PODN: variants seen among roughly 807,000 people sequenced by gnomAD.
PODN encodes podocan.
A neutral mutation model predicts 52.7 loss-of-function variants in PODN; 40 were observed. That is an observed-to-expected ratio of 0.76 (90% CI 0.59 to 0.99). The LOEUF is 0.99. Ranked by LOEUF, PODN falls within the 50% of genes least tolerant of loss-of-function variation. The pLI, the probability that PODN is intolerant of heterozygous loss-of-function variation, is 0.00. For missense variants in PODN, 720 were observed against 815.1 expected (o/e 0.88, Z 1.42); for synonymous variants, 396 against 377.9 (o/e 1.05, Z -0.56).
intron 1 of PODN, among the ~76,000 whole-genome samples, chr1:53,062,697 A>G (rs1378055472): frequency 6.6e-6 from 1 of 152,072 alleles, no homozygotes; most frequent in East Asian, 1.9e-4. Context: ...CTGTCATGAG[A>G]GCCTGGGCCC....
intron 4 of PODN, 82 bp downstream of exon 4, chr1:53,074,752 G>A (rs1298142294): frequency 1.4e-6 from 2 of 1,473,662 alleles, no homozygotes; most frequent in Admixed American, 1.7e-5. Context: ...ACTTTCACCA[G>A]GGCCTTTCTG....
chr1:53,076,267 G>A (rs756052), intron 5 of PODN, among the ~76,000 whole-genome samples: 8,875 of 152,300 alleles, frequency 0.058, 879 homozygotes, highest in African/African-American at 0.2. Flanking sequence ...AGCTGCATTG[G>A]GAGGAGCAAC....
At chr1:53,071,388 G>C (rs920773471) in intron 2 of PODN, 147 bp from the exon 3 acceptor site, 1 of 670,646 alleles carries the variant, frequency 1.5e-6, no homozygotes, top group East Asian at 2.8e-5. Context: ...AGCTGGCACC[G>C]GGGGTCTGCT....
intron 1 of PODN, among the ~76,000 whole-genome samples, chr1:53,069,598 G>C (rs1644080860): frequency 6.6e-6 from 1 of 152,252 alleles, no homozygotes; most frequent in African/African-American, 2.4e-5. Flanking sequence ...GCTGCAGAAG[G>C]TTTTGCAGAC....
Position 53,069,834 on chromosome 1 carries a change from C to T in PODN, c.-22C>T, listed in dbSNP as rs775939865. 1.3e-5 allele frequency: 20 copies of T among 1,580,990 alleles called. No individual in the cohort carries two copies. The Admixed American group carries it at 1.8e-4, about 14-fold the overall frequency. ...AGCCCTGGCGCCCAGGCGCATCTGA[C>T]TCGGCACCCCCTGCAGGCACCATGG... On this transcript the variant is annotated 5_prime_UTR_variant, in exon 2 of 11. Transcript: ENST00000312553.
chr1:53,078,811 C>T lies in PODN; in HGVS notation c.1301C>T (p.Ser434Leu), dbSNP rs58357881. ...DAFRKLRLLR[S>L]LDLSGNRLHT... ...TTCCGCAAGCTGCGCCTGCTGCGCT[C>T]GCTGGACCTGTCGGGCAACCGGCTG... The change falls in exon 8 of 11, where the codon TCG (serine) becomes TTG (leucine). Residue 434 changes from serine (S) to leucine (L), a missense_variant. Physicochemically the swap from Ser to Leu is moderately radical, Grantham distance 145. Coordinates refer to ENST00000312553, the MANE Select transcript of PODN (RefSeq NM_153703.5). The T allele has an allele frequency of 8.7e-5, 141 of 1,612,900 alleles. No individual in the cohort carries two copies. The East Asian group carries it at 1.0e-3, about 12-fold the overall frequency.
Position 53,069,873 on chromosome 1 carries a change from G to A in PODN, c.18G>A (p.Val6=). 3 of 1,568,610 alleles carry A rather than the reference G, an allele frequency of 1.9e-6. No individual in the cohort carries two copies. The highest frequency in any genetic ancestry group is 2.6e-6 in the Non-Finnish European group (3 of 1,157,420). Residue 6 remains valine, a synonymous_variant, in exon 2 of 11, where the codon GTG becomes GTA. Coordinates refer to ENST00000312553, the MANE Select transcript of PODN (RefSeq NM_153703.5). MAQSR[V]LLLLLLLPPQ... is the part of the protein sequence containing the mutation. ...CAGGCACCATGGCCCAGAGCCGGGT[G>A]CTGCTGCTCCTGCTGCTGCTGCCGC...
At chr1:53,081,780 C>T (rs1644299117) in intron 9 of PODN, among the ~76,000 whole-genome samples, 1 of 152,232 alleles carries the variant, frequency 6.6e-6, no homozygotes, top group Non-Finnish European at 1.5e-5. Context: ...GAGCCAGCCC[C>T]ACCACAAGCT....
Position 53,069,854 on chromosome 1 carries a change from C to T in PODN, c.-2C>T. The stretch of plus-strand genomic sequence containing the variant: ...TCTGACTCGGCACCCCCTGCAGGCA[C>T]CATGGCCCAGAGCCGGGTGCTGCTG... On this transcript the variant is annotated 5_prime_UTR_variant, in exon 2 of 11. Coordinates refer to ENST00000312553, the MANE Select transcript of PODN (RefSeq NM_153703.5). The T allele has an allele frequency of 6.3e-7, 1 of 1,575,482 alleles. No individual in the cohort carries two copies. The highest frequency in any genetic ancestry group is 8.6e-7 in the Non-Finnish European group (1 of 1,160,996).
In PODN at chr1:53,070,076, G is replaced by T. The variant is rs1474008475; in HGVS notation, c.221G>T (p.Cys74Phe). The T allele has an allele frequency of 6.2e-7, 1 of 1,613,086 alleles. No homozygotes were observed. Among genetic ancestry groups the T allele is most frequent in the South Asian group, 1.1e-5 (1 of 91,084 alleles). ...AAVSCPRDCA[C>F]SQEGVVDCGG... ...GTCAGCTGCCCCCGAGACTGTGCCT[G>T]TTCCCAGGAGGGCGTCGTGGACTGT... Residue 74 changes from cysteine to phenylalanine, a missense_variant, in exon 2 of 11, where the codon TGT (cysteine) becomes TTT (phenylalanine). Transcript: ENST00000312553.
Position 53,074,592 on chromosome 1 carries a change from C to A in PODN, c.407-14C>A, listed in dbSNP as rs371397336. ...CCTCCATCCAGGGCTCTGACCGATG[C>A]CTGTCCTTTGAAGGGCTCCCAGAGA... On this transcript the variant is annotated splice_polypyrimidine_tract_variant and intron_variant, in intron 3 of 10. Coordinates refer to ENST00000312553, the MANE Select transcript of PODN (RefSeq NM_153703.5). The A allele has an allele frequency of 3.1e-6, 5 of 1,613,912 alleles. No individual in the cohort carries two copies. Among genetic ancestry groups the A allele is most frequent in the East Asian group, 2.2e-5 (1 of 44,878 alleles).
rs754036511 is a variant in PODN, at chr1:53,070,094, T to C, written c.239T>C (p.Val80Ala). ...TGTGCCTGTTCCCAGGAGGGCGTCG[T>C]GGACTGTGGCGGTATTGACCTGCGT... ...RDCACSQEGV[V>A]DCGGIDLREF... The change falls in exon 2 of 11, where the codon GTG (valine) becomes GCG (alanine). Residue 80 changes from valine (V) to alanine (A), a missense_variant. Physicochemically the swap from Val to Ala is moderately conservative, Grantham distance 64. Coordinates refer to ENST00000312553, the MANE Select transcript of PODN (RefSeq NM_153703.5). 3.3e-5 allele frequency: 54 copies of C among 1,612,814 alleles called. No individual in the cohort carries two copies. Among genetic ancestry groups the C allele is most frequent in the Admixed American group, 1.0e-4 (6 of 60,002 alleles).
chr1:53,064,577 T>TG (rs898620021), intron 1 of PODN, among the ~76,000 whole-genome samples: 1 of 152,164 alleles, frequency 6.6e-6, no homozygotes, highest in African/African-American at 2.4e-5. Flanking sequence ...CCTCTTGATT[T>TG]GGGGCTCCCT....
chr1:53,081,091 T>C (rs1222795568), intron 9 of PODN, among the ~76,000 whole-genome samples: 6 of 152,216 alleles, frequency 3.9e-5, no homozygotes, highest in African/African-American at 1.2e-4. Context: ...GCATGGGCGT[T>C]GTGAATGTTA....
At chr1:53,069,508 C>T (rs907048738) in intron 1 of PODN, among the ~76,000 whole-genome samples, 10 of 152,228 alleles carry the variant, frequency 6.6e-5, no homozygotes, top group African/African-American at 2.2e-4. Context: ...AAGGGTTCAG[C>T]ACAGTCCAGG....
intron 7 of PODN, 92 bp downstream of exon 7, chr1:53,077,892 G>A (rs959498987): frequency 9.1e-6 from 9 of 985,612 alleles, no homozygotes; most frequent in South Asian, 1.5e-5. Context: ...AGCCCCTCAC[G>A]CACGTCCCCT....
intron 8 of PODN, among the ~76,000 whole-genome samples, chr1:53,079,948 T>G (rs1644257360): frequency 6.8e-6 from 1 of 146,068 alleles, no homozygotes; most frequent in African/African-American, 2.6e-5. Flanking sequence ...TGAGCTATGA[T>G]CACGCTACAG....
chr1:53,063,978 C>T (rs1358074666), intron 1 of PODN, among the ~76,000 whole-genome samples: 1 of 152,162 alleles, frequency 6.6e-6, no homozygotes, highest in Non-Finnish European at 1.5e-5. Context: ...TCACACTCTA[C>T]CTCTGCCTGG....
chr1:53,079,478 G>C (rs1572276285), intron 8 of PODN, among the ~76,000 whole-genome samples: 1 of 152,170 alleles, frequency 6.6e-6, no homozygotes, highest in South Asian at 2.1e-4. Context: ...CACAGGAGTA[G>C]GTATGTGGAG....
Sources: gnomAD v4.1 joint callset for allele counts (sites outside exome capture counted in the v4.1 genomes callset) on GRCh38, gnomAD v4.1.1 for gene constraint, MANE v1.5 for transcripts, NCBI Gene and HGNC (gene_info 2026-07-23, HGNC 2026-07-21) for gene names.